The following EGF variants were observed in gnomAD, a reference collection of about 807,000 sequenced individuals.
EGF encodes the protein epidermal growth factor.
Under a neutral mutation model 143.8 loss-of-function variants are expected in EGF, and 95 were observed. The ratio of observed to expected loss-of-function variants is 0.66; its 90% CI spans 0.56 to 0.78. EGF has a LOEUF of 0.78. Ranked by LOEUF, EGF falls within the 30% of genes least tolerant of loss-of-function variation. The probability of loss-of-function intolerance (pLI) is 0.00; values close to 1 mark genes in which losing one functional copy is unlikely to be tolerated. For synonymous variants in EGF, 510 were observed against 510.5 expected, an observed-to-expected ratio of 1.00 and a Z score of 0.01; for missense variants, 1,320 against 1,470.9, an observed-to-expected ratio of 0.90 and a Z score of 1.68.
intron 23 of EGF, among the ~76,000 whole-genome samples, chr4:110,009,520 A>G (rs11569132): frequency 0.027 from 4,143 of 152,240 alleles, 199 homozygotes; most frequent in African/African-American, 0.092. Context: ...CTAAGGACTC[A>G]TTACAGTTAG....
At chr4:109,972,359 GCA>G (rs1324483394) in intron 11 of EGF, among the ~76,000 whole-genome samples, 3 of 152,284 alleles carry the variant, frequency 2.0e-5, no homozygotes, top group East Asian at 3.9e-4. Flanking sequence ...TGAGACAGCT[GCA>G]CAGTCAGGAG....
chr4:109,913,012 C>G lies in EGF; in HGVS notation c.-324C>G, dbSNP rs1735984447. 1 of 335,984 alleles carries G rather than the reference C, an allele frequency of 3.0e-6. No individual in the cohort carries two copies. Among genetic ancestry groups the G allele is most frequent in the Non-Finnish European group, 5.7e-6 (1 of 174,032 alleles). 20.8% of individuals were successfully genotyped at this position (335,984 alleles called of 1,614,324 possible). ...TTCCTCTCTAAGCCTTTGCCTTGCT[C>G]TGTCACAGTGAAGTCAGCCAGAGCA... On this transcript the variant is annotated 5_prime_UTR_variant, in exon 1 of 24. Coordinates refer to ENST00000265171, the MANE Select transcript of EGF (RefSeq NM_001963.6).
At chr4:109,974,679 T>C (rs1208329835) in intron 11 of EGF, 24 bp from the exon 12 acceptor site, 1 of 1,553,860 alleles carries the variant, frequency 6.4e-7, no homozygotes, top group Middle Eastern at 1.7e-4. Context: ...TATAACAAAC[T>C]CCCTTATTTT....
intron 18 of EGF, among the ~76,000 whole-genome samples, chr4:109,990,273 T>A (rs1451423735): frequency 6.6e-6 from 1 of 152,202 alleles, no homozygotes; most frequent in Non-Finnish European, 1.5e-5. Flanking sequence ...AAGGAAAACG[T>A]GACCTAAAAG....
At position 109,959,196 on chromosome 4, in the gene EGF, G is replaced by A. The variant is rs908107694; in HGVS notation, c.941-116G>A. 1.2e-5 allele frequency: 19 copies of A among 1,520,370 alleles called. No individual in the cohort carries two copies. In the African/African-American group the frequency reaches 2.6e-4, roughly 21 times the overall value. The allele number at this position is 1,520,370 out of a possible 1,614,324, so 94.2% of individuals were successfully genotyped here. A position where few individuals can be genotyped will look rare whatever the true frequency, so the allele number is the denominator to read the frequency against. ...GCTCTGGCTAAGTTTGCCTCCGTGA[G>A]AGATGCAGCTGTAGACGTTGTAGGG... On this transcript the variant is annotated intron_variant, in intron 5 of 23. Transcript: ENST00000265171.
Position 109,980,878 on chromosome 4 carries a change from G to C in EGF, c.2274G>C (p.Lys758Asn), listed in dbSNP as rs200092663. ...GAGGCTGTGAACATATTTGCAAAAA[G>C]AGGCTTGGAACTGCTTGGTGTTCGT... is the stretch of plus-strand genomic sequence containing the variant. ...QNGGCEHICK[K>N]RLGTAWCSCR... Residue 758 changes from lysine (K) to asparagine (N), a missense_variant, in exon 15 of 24, where the codon AAG becomes AAC. Physicochemically the swap from Lys to Asn is moderately conservative, Grantham distance 94. Coordinates refer to ENST00000265171, the MANE Select transcript of EGF (RefSeq NM_001963.6). 1.2e-6 allele frequency: 2 copies of C among 1,614,092 alleles called. No individual in the cohort carries two copies. Among genetic ancestry groups the C allele is most frequent in the Non-Finnish European group, 1.7e-6 (2 of 1,179,980 alleles).
Position 110,011,368 on chromosome 4 carries a change from C to T in EGF, c.3537C>T (p.Val1179=), listed in dbSNP as rs144592134. The change falls in exon 24 of 24, where the codon GTC becomes GTT. Residue 1179 remains valine (V), a synonymous_variant. Transcript: ENST00000265171. The stretch of plus-strand genomic sequence containing the variant: ...GGACACAGACCCTTGAAGGGGGTGT[C>T]GAGAAGCCCCATTCTCTCCTATCAG... ...SYGTQTLEGG[V]EKPHSLLSAN... The T allele has an allele frequency of 3.8e-5, 62 of 1,614,068 alleles. No individual in the cohort carries two copies. The highest frequency in any genetic ancestry group is 3.3e-4 in the Middle Eastern group (2 of 6,060).
intron 1 of EGF, among the ~76,000 whole-genome samples, chr4:109,940,235 G>C (rs948427627): frequency 4.6e-5 from 7 of 152,090 alleles, no homozygotes; most frequent in Non-Finnish European, 7.4e-5. Context: ...AATCTAGTGA[G>C]GTTTGCCACC....
intron 10 of EGF, among the ~76,000 whole-genome samples, chr4:109,968,549 T>G (rs1044423602): frequency 2.0e-5 from 3 of 152,158 alleles, no homozygotes; most frequent in African/African-American, 7.2e-5. Flanking sequence ...TAGCAATATG[T>G]GCCAGATACA....
chr4:109,927,496 A>G (rs10025078), intron 1 of EGF, among the ~76,000 whole-genome samples: 76,227 of 151,532 alleles, frequency 0.5, 20,562 homozygotes, highest in East Asian at 0.69. Context: ...AGGCCGAGGC[A>G]GGCGGATCAC....
rs539167614 is a variant in EGF, at chr4:109,926,960, C to T, written c.127+13498C>T. Among the ~76,000 whole-genome samples, 5 of 152,266 alleles carry T rather than the reference C, an allele frequency of 3.3e-5. No individual in the cohort carries two copies. The South Asian group carries it at 1.0e-3, about 32-fold the overall frequency. On this transcript the variant is annotated intron_variant, in intron 1 of 23. Transcript: ENST00000265171. Reference sequence around the variant, plus strand: ...CACCTGTTAAAAATTCTTGTGTCTGCGCTTTTAAAACATTTACAAACAGCT... The same window carrying T: ...CACCTGTTAAAAATTCTTGTGTCTGTGCTTTTAAAACATTTACAAACAGCT...
intron 20 of EGF, among the ~76,000 whole-genome samples, chr4:109,995,680 G>A (rs189376779): frequency 3.9e-5 from 6 of 152,194 alleles, no homozygotes; most frequent in East Asian, 1.9e-4. Flanking sequence ...AAACTAATAC[G>A]TCTCCCAGGG....
rs372339337 is a variant in EGF, at chr4:109,989,092, G to A, written c.2734+383G>A. Among the ~76,000 whole-genome samples, 148 of 152,296 alleles carry A rather than the reference G, an allele frequency of 9.7e-4. 1 individual carries two copies. Among genetic ancestry groups the A allele is most frequent in the African/African-American group, 3.2e-3 (134 of 41,556 alleles). ...GAGAAATGTGGTGAACTGCAGAGCT[G>A]ATGACAGTTTGTTGGAAGTCACTGC... On this transcript the variant is annotated intron_variant, in intron 18 of 23. Transcript: ENST00000265171.
At chr4:110,008,347 T>C in intron 23 of EGF, 117 bp downstream of exon 23, 1 of 1,286,888 alleles carries the variant, frequency 7.8e-7, no homozygotes. Context: ...AACTAAATTG[T>C]ATAAGCTATG....
At chr4:109,986,330 C>T (rs11569035) in intron 16 of EGF, among the ~76,000 whole-genome samples, 2,470 of 152,260 alleles carry the variant, frequency 0.016, 30 homozygotes, top group Non-Finnish European at 0.025. Context: ...CTCTGAGCAG[C>T]CTTGTGATTT....
intron 3 of EGF, 142 bp from the exon 4 acceptor site, chr4:109,943,700 G>A (rs1402068327): frequency 2.5e-6 from 2 of 792,664 alleles, no homozygotes; most frequent in South Asian, 3.1e-5. Flanking sequence ...GTCTACAATA[G>A]GGCAGTGTTT....
chr4:109,994,199 C>T (rs1005411042), intron 19 of EGF, among the ~76,000 whole-genome samples: 3 of 152,096 alleles, frequency 2.0e-5, no homozygotes, highest in Non-Finnish European at 4.4e-5. Context: ...CCCTCTGTTA[C>T]GGGAACATTT....
At chr4:109,956,511 G>A (rs547755557) in intron 5 of EGF, among the ~76,000 whole-genome samples, 15 of 152,070 alleles carry the variant, frequency 9.9e-5, no homozygotes, top group Non-Finnish European at 1.8e-4. Flanking sequence ...TTTTTAAAAA[G>A]AAATTTAAAG....
At chr4:109,951,071 C>T (rs2126029946) in intron 5 of EGF, among the ~76,000 whole-genome samples, 1 of 151,854 alleles carries the variant, frequency 6.6e-6, no homozygotes, top group South Asian at 2.1e-4. Flanking sequence ...CCTTGGGAGG[C>T]CAAGGCGGGT....
Sources: gnomAD v4.1 joint callset for allele counts (sites outside exome capture counted in the v4.1 genomes callset) on GRCh38, gnomAD v4.1.1 for gene constraint, MANE v1.5 for transcripts, NCBI Gene and HGNC (gene_info 2026-07-23, HGNC 2026-07-21) for gene names.